Variants in NHERF1 observed in about 807,000 individuals in gnomAD.
The protein encoded by NHERF1 is NHERF family PDZ scaffold protein 1.
the NHERF1 span, among the ~76,000 whole-genome samples, chr17:74,762,405 T>G: frequency 6.6e-6 from 1 of 152,140 alleles, no homozygotes; most frequent in South Asian, 2.1e-4. This position sits in a 1 kb window ranked among gnomAD's most constrained non-coding sequence, Gnocchi z 4.2. Flanking sequence ...TCCCCTGGAC[T>G]CCTCCTTGCC....
chr17:74,763,538 A>G, the NHERF1 span: 649 of 1,571,630 alleles, frequency 4.1e-4, 1 homozygote, highest in Non-Finnish European at 5.3e-4. Context: ...AGGTGGGGCC[A>G]CTGGCCGTCC....
chr17:74,766,183 G>C, the NHERF1 span, among the ~76,000 whole-genome samples: 2 of 151,104 alleles, frequency 1.3e-5, no homozygotes, highest in African/African-American at 2.5e-5. Flanking sequence ...TTTTTGGTTT[G>C]TTTTTTTTGT....
the NHERF1 span, among the ~76,000 whole-genome samples, chr17:74,757,966 C>A: frequency 6.6e-6 from 1 of 152,248 alleles, no homozygotes; most frequent in Non-Finnish European, 1.5e-5. Flanking sequence ...CAGCCCCTTT[C>A]CTCTGGGGTC....
the NHERF1 span, chr17:74,748,941 A>G: frequency 6.2e-7 from 1 of 1,604,720 alleles, no homozygotes; most frequent in Admixed American, 1.7e-5. This position sits in a 1 kb window ranked among gnomAD's most constrained non-coding sequence, Gnocchi z 4.3. Context: ...CACGGGGAGA[A>G]GGGCAAGTTG....
the NHERF1 span, chr17:74,768,307 C>A: frequency 1.4e-6 from 2 of 1,390,456 alleles, no homozygotes; most frequent in Non-Finnish European, 2.0e-6. Flanking sequence ...TTGTTCCTGG[C>A]ACACCAGCCT....
chr17:74,764,192 C>T, the NHERF1 span, among the ~76,000 whole-genome samples: 5 of 152,356 alleles, frequency 3.3e-5, no homozygotes, highest in East Asian at 1.9e-4. The surrounding 1 kb of genome is among the most constrained non-coding windows in gnomAD (Gnocchi z 4.9). Context: ...CTCCCTGGAG[C>T]GGGCAGGGGT....
the NHERF1 span, chr17:74,763,485 A>C: frequency 6.2e-7 from 1 of 1,608,912 alleles, no homozygotes; most frequent in Non-Finnish European, 8.5e-7. Context: ...TTCTTCAAGA[A>C]ATGCAGAGTG....
the NHERF1 span, among the ~76,000 whole-genome samples, chr17:74,752,562 C>T: frequency 2.0e-5 from 3 of 152,008 alleles, no homozygotes; most frequent in African/African-American, 7.3e-5. Context: ...GTCGCAACCT[C>T]GCCTCGCTGC....
At chr17:74,768,223 A>C in the NHERF1 span, 1 of 1,613,010 alleles carries the variant, frequency 6.2e-7, no homozygotes. Context: ...GCCTCCAGTG[A>C]CACCAGCGAG....
the NHERF1 span, chr17:74,748,969 G>C: frequency 1.2e-6 from 2 of 1,607,182 alleles, no homozygotes; most frequent in Admixed American, 3.4e-5. The surrounding 1 kb of genome is among the most constrained non-coding windows in gnomAD (Gnocchi z 4.3). Flanking sequence ...ACATCCGGCT[G>C]GTGGAGCCCG....
At chr17:74,758,415 TGA>T in the NHERF1 span, among the ~76,000 whole-genome samples, 1 of 152,166 alleles carries the variant, frequency 6.6e-6, no homozygotes, top group Admixed American at 6.5e-5. The surrounding 1 kb of genome is among the most constrained non-coding windows in gnomAD (Gnocchi z 4.3). Flanking sequence ...TTTGTGAAAG[TGA>T]GAGTCTCCAG....
the NHERF1 span, among the ~76,000 whole-genome samples, chr17:74,756,347 C>T: frequency 2.3e-5 from 3 of 132,752 alleles, no homozygotes; most frequent in South Asian, 2.4e-4. Flanking sequence ...GGCGTGATCT[C>T]GGCTCACTGC....
At chr17:74,763,416 C>A in the NHERF1 span, 1 of 1,614,118 alleles carries the variant, frequency 6.2e-7, no homozygotes, top group South Asian at 1.1e-5. Flanking sequence ...GTGGTGTCCG[C>A]CATCAGGGCT....
chr17:74,767,313 CCTG>C, the NHERF1 span, among the ~76,000 whole-genome samples: 1 of 152,190 alleles, frequency 6.6e-6, no homozygotes, highest in Non-Finnish European at 1.5e-5. Flanking sequence ...CAGCCGGGCC[CCTG>C]CTACTTCTAG....
the NHERF1 span, among the ~76,000 whole-genome samples, chr17:74,766,157 A>C: frequency 6.6e-6 from 1 of 152,006 alleles, no homozygotes; most frequent in Non-Finnish European, 1.5e-5. Context: ...AATTTAGTAG[A>C]TAGAGACCAG....
At chr17:74,748,870 G>C in the NHERF1 span, 1 of 1,595,572 alleles carries the variant, frequency 6.3e-7, no homozygotes, top group Non-Finnish European at 8.5e-7. The surrounding 1 kb of genome is among the most constrained non-coding windows in gnomAD (Gnocchi z 4.3). Flanking sequence ...CAGCGGCCGG[G>C]GCGCCCCTGC....
the NHERF1 span, among the ~76,000 whole-genome samples, chr17:74,767,537 G>A: frequency 6.6e-6 from 1 of 152,340 alleles, no homozygotes; most frequent in Admixed American, 6.5e-5. Flanking sequence ...ACTCTGCAGG[G>A]TCTGCTTAAA....
chr17:74,768,298 T>C, the NHERF1 span: 1 of 1,412,738 alleles, frequency 7.1e-7, no homozygotes, highest in Non-Finnish European at 1.0e-6. Context: ...AGGCCCCACT[T>C]GTTCCTGGCA....
At chr17:74,767,385 G>T in the NHERF1 span, among the ~76,000 whole-genome samples, 1 of 152,174 alleles carries the variant, frequency 6.6e-6, no homozygotes, top group Non-Finnish European at 1.5e-5. Context: ...GGGAAAGGGG[G>T]TGAGGCCCGG....
Sources: allele counts gnomAD v4.1 joint callset (sites outside exome capture counted in the v4.1 genomes callset), GRCh38; gene constraint gnomAD v4.1.1; non-coding constraint Gnocchi (gnomAD v3.1); transcripts MANE v1.5; gene names NCBI Gene and HGNC (gene_info 2026-07-23, HGNC 2026-07-21).